The following SCML2 variants were observed in gnomAD, a reference collection of about 807,000 sequenced individuals.
The protein encoded by SCML2 is Scm polycomb group protein like 2.
SCML2 carries 6 observed loss-of-function variants against 48.4 expected under a neutral mutation model. The ratio of observed to expected loss-of-function variants is 0.12; its 90% confidence interval spans 0.07 to 0.24. SCML2 has a LOEUF of 0.24. Among genes scored for constraint, SCML2 ranks in the 10% least tolerant of loss-of-function variants. The pLI is 1.00. For missense variants in SCML2, 377 were observed against 528.2 expected (o/e 0.71, Z 2.81); for synonymous variants, 181 against 189.5 (o/e 0.95, Z 0.37).
intron 7 of SCML2, among the ~76,000 whole-genome samples, chrX:18,297,185 T>C (rs1928423941): frequency 8.9e-6 from 1 of 112,170 alleles, no homozygotes; most frequent in African/African-American, 3.2e-5. Context: ...CTAACGTCCT[T>C]CATGATTAAA....
chrX:18,277,623 T>C (rs1157804308), intron 7 of SCML2, among the ~76,000 whole-genome samples: 1 of 111,476 alleles, frequency 9.0e-6, no homozygotes, highest in African/African-American at 3.3e-5. Flanking sequence ...TTTTAATTAA[T>C]GAGGAGGAAA....
intron 1 of SCML2, among the ~76,000 whole-genome samples, chrX:18,344,838 C>T (rs777316479): frequency 9.0e-6 from 1 of 111,006 alleles, no homozygotes; most frequent in Non-Finnish European, 1.9e-5. Context: ...ACCAGATACC[C>T]TAGACAAAAC....
intron 1 of SCML2, among the ~76,000 whole-genome samples, chrX:18,340,290 T>G (rs1350511629): frequency 1.8e-5 from 2 of 111,501 alleles, no homozygotes; most frequent in Non-Finnish European, 3.8e-5. Flanking sequence ...GGCACACACC[T>G]GCACTCCCAG....
At chrX:18,255,479 T>C (rs936953424) in intron 11 of SCML2, among the ~76,000 whole-genome samples, 1 of 112,210 alleles carries the variant, frequency 8.9e-6, no homozygotes, top group Non-Finnish European at 1.9e-5. Context: ...CCATGTATAC[T>C]TTTTGCAAGC....
intron 7 of SCML2, among the ~76,000 whole-genome samples, chrX:18,299,386 CACACGCCTGTAGTACCA>C (rs1928505096): frequency 9.1e-6 from 1 of 110,479 alleles, no homozygotes; most frequent in Admixed American, 9.6e-5. Flanking sequence ...GGCATAGTGG[CACACGCCTGTAGTACCA>C]ACTACTCGAG....
intron 1 of SCML2, among the ~76,000 whole-genome samples, chrX:18,349,532 T>C (rs1930305740): frequency 8.8e-6 from 1 of 113,090 alleles, no homozygotes; most frequent in African/African-American, 3.2e-5. Flanking sequence ...GGCTCACGCC[T>C]GTAATCCCAG....
intron 7 of SCML2, among the ~76,000 whole-genome samples, chrX:18,283,296 C>A (rs1365681318): frequency 9.0e-6 from 1 of 111,599 alleles, no homozygotes; most frequent in Non-Finnish European, 1.9e-5. Context: ...AACAAACATA[C>A]CTCAAAATAA....
At chrX:18,293,221 T>C (rs1010277370) in intron 7 of SCML2, among the ~76,000 whole-genome samples, 1 of 112,092 alleles carries the variant, frequency 8.9e-6, no homozygotes, top group African/African-American at 3.2e-5. Context: ...TGTACTTTTA[T>C]TTTATAGCTG....
intron 6 of SCML2, among the ~76,000 whole-genome samples, chrX:18,313,146 C>T (rs1421608570): frequency 9.0e-6 from 1 of 110,556 alleles, no homozygotes; most frequent in Non-Finnish European, 1.9e-5. Flanking sequence ...CCTGTTATTC[C>T]AAACCTTAGT....
intron 7 of SCML2, among the ~76,000 whole-genome samples, chrX:18,301,035 CAGT>C (rs1313445856): frequency 1.8e-5 from 2 of 111,540 alleles, no homozygotes; most frequent in African/African-American, 6.5e-5. Flanking sequence ...ATCTGAATAA[CAGT>C]AGATTTCTCA....
At chrX:18,242,142 G>A (rs1178032307) in intron 14 of SCML2, among the ~76,000 whole-genome samples, 1 of 111,619 alleles carries the variant, frequency 9.0e-6, no homozygotes. Flanking sequence ...GCAGGTCGGG[G>A]AGGATCCTTG....
At chrX:18,316,109 C>T (rs1462011881) in intron 6 of SCML2, among the ~76,000 whole-genome samples, 4 of 112,296 alleles carry the variant, frequency 3.6e-5, no homozygotes, top group Admixed American at 1.9e-4. Context: ...AGTCAAAGGG[C>T]CAAGCACAGT....
At chrX:18,250,743 A>G (rs914760946) in intron 11 of SCML2, among the ~76,000 whole-genome samples, 5 of 110,830 alleles carry the variant, frequency 4.5e-5, no homozygotes, top group Non-Finnish European at 9.4e-5. Flanking sequence ...AATGAAAATC[A>G]TGTCTAAAGA....
At chrX:18,241,520 A>T (rs921724836) in intron 14 of SCML2, 141 bp from the exon 15 acceptor site, 11 of 366,045 alleles carry the variant, frequency 3.0e-5, no homozygotes, top group Admixed American at 1.8e-4. Context: ...ACTATTAAAA[A>T]TATAATTTAT....
intron 7 of SCML2, among the ~76,000 whole-genome samples, chrX:18,291,573 T>A (rs1394646281): frequency 2.7e-5 from 3 of 111,881 alleles, no homozygotes; most frequent in Non-Finnish European, 5.6e-5. Flanking sequence ...CATAGATGCC[T>A]CGTTACATTT....
At chrX:18,349,872 T>C (rs1328837766) in intron 1 of SCML2, among the ~76,000 whole-genome samples, 7 of 112,250 alleles carry the variant, frequency 6.2e-5, no homozygotes, top group African/African-American at 1.6e-4. Context: ...GACAACATAA[T>C]GACAAAATAA....
intron 6 of SCML2, among the ~76,000 whole-genome samples, chrX:18,305,600 A>C (rs1162989500): frequency 8.9e-6 from 1 of 111,859 alleles, no homozygotes; most frequent in Non-Finnish European, 1.9e-5. Flanking sequence ...AGGGAAAAGC[A>C]ATCAACAAGA....
At chrX:18,311,729 A>C (rs1197805664) in intron 6 of SCML2, among the ~76,000 whole-genome samples, 6 of 112,216 alleles carry the variant, frequency 5.3e-5, no homozygotes, top group African/African-American at 1.6e-4. Flanking sequence ...GTAAAACAGG[A>C]AGCCCCTGGA....
chrX:18,324,098 A>G lies in SCML2; in HGVS notation c.163-5T>C. 1.8e-6 allele frequency: 2 copies of G among 1,136,358 alleles called. No homozygotes were observed. Among genetic ancestry groups the G allele is most frequent in the Non-Finnish European group, 1.2e-6 (1 of 837,612 alleles). 93.6% of individuals were successfully genotyped at this position (1,136,358 alleles called of 1,213,427 possible). A position where few individuals can be genotyped will look rare whatever the true frequency, so the allele number is the denominator to read the frequency against. ...ATTCACAGGTGGAATCTGAGACTAT[A>G]TATATAAATAAAATTTGGTTAAAAT... On this transcript the variant is annotated splice_polypyrimidine_tract_variant and splice_region_variant and intron_variant, in intron 4 of 14. Coordinates refer to ENST00000251900, the MANE Select transcript of SCML2 (RefSeq NM_006089.3).
Sources: gnomAD v4.1 joint callset for allele counts (sites outside exome capture counted in the v4.1 genomes callset) on GRCh38, gnomAD v4.1.1 for gene constraint, MANE v1.5 for transcripts, NCBI Gene and HGNC (gene_info 2026-07-23, HGNC 2026-07-21) for gene names.